SLC1A3: variants seen among roughly 807,000 people sequenced by gnomAD.
The protein encoded by SLC1A3 is excitatory amino acid transporter 1.
SLC1A3 carries 21 observed loss-of-function variants against 48.1 expected under a neutral mutation model. The observed-to-expected ratio is 0.44, with a 90% CI of 0.31 to 0.63. SLC1A3 has a LOEUF of 0.63. Ranked by LOEUF, SLC1A3 falls within the 20% of genes least tolerant of loss-of-function variation. The pLI is 0.08. For missense variants in SLC1A3, 546 were observed against 689.0 expected (o/e 0.79, Z 2.32); for synonymous variants, 239 against 251.4 (o/e 0.95, Z 0.47).
intron 3 of SLC1A3, chr5:36,666,279 A>G (rs1202368508): frequency 6.6e-6 from 1 of 152,154 alleles, no homozygotes; most frequent in Non-Finnish European, 1.5e-5. Context: ...ACATATTAGC[A>G]CTCATCCTTG....
chr5:36,686,127 A>G lies in SLC1A3; in HGVS notation c.1487A>G (p.His496Arg). 1.9e-6 allele frequency: 3 copies of G among 1,614,184 alleles called. No homozygotes were observed. Among genetic ancestry groups the G allele is most frequent in the Non-Finnish European group, 2.5e-6 (3 of 1,180,028 alleles). Residue 496 changes from histidine (H) to arginine (R), a missense_variant, in exon 10 of 10, where the codon CAC (histidine) becomes CGC (arginine). Physicochemically the swap from His to Arg is conservative, Grantham distance 29. This residue lies in a region of SLC1A3 where 56 missense variants were observed against 59.0 expected (regional missense o/e 0.95). Coordinates refer to ENST00000265113, the MANE Select transcript of SLC1A3 (RefSeq NM_004172.5). ...GDSLGAGIVE[H>R]LSRHELKNRD... ...TCCCTGGGAGCTGGGATTGTGGAGCACTTGTCACGACATGAACTGAAGAAC... is the reference window on the plus strand; with the variant it reads ...TCCCTGGGAGCTGGGATTGTGGAGCGCTTGTCACGACATGAACTGAAGAAC...
intron 3 of SLC1A3, among the ~76,000 whole-genome samples, chr5:36,654,862 G>A (rs1741226413): frequency 1.3e-5 from 2 of 152,188 alleles, no homozygotes; most frequent in Non-Finnish European, 2.9e-5. Context: ...AGAGTGAGGA[G>A]ATGTTTGCAT....
At chr5:36,649,705 G>A (rs1740983304) in intron 3 of SLC1A3, among the ~76,000 whole-genome samples, 1 of 152,026 alleles carries the variant, frequency 6.6e-6, no homozygotes, top group East Asian at 1.9e-4. Flanking sequence ...AAATTTTTCC[G>A]GTCTCAATAT....
At chr5:36,663,530 C>A (rs907994598) in intron 3 of SLC1A3, among the ~76,000 whole-genome samples, 1 of 151,906 alleles carries the variant, frequency 6.6e-6, no homozygotes. Context: ...CGTGAGCCAC[C>A]GCGCCCGGCC....
chr5:36,604,818 G>C (rs1196193742), upstream of SLC1A3, among the ~76,000 whole-genome samples: 1 of 150,646 alleles, frequency 6.6e-6, no homozygotes, highest in Non-Finnish European at 1.5e-5. Flanking sequence ...AATGCCACTG[G>C]GCTTGAAACC....
intron 3 of SLC1A3, among the ~76,000 whole-genome samples, chr5:36,645,864 C>A (rs755504838): frequency 6.6e-6 from 1 of 152,166 alleles, no homozygotes; most frequent in Non-Finnish European, 1.5e-5. Flanking sequence ...GTCTTGAATT[C>A]CCAGCAGAGG....
chr5:36,612,877 C>T (rs923612546), intron 2 of SLC1A3: 4 of 455,186 alleles, frequency 8.8e-6, no homozygotes, highest in South Asian at 6.2e-5. Flanking sequence ...TCTGGCTTTA[C>T]TCCAGCAATT....
In SLC1A3 at chr5:36,637,149, A is replaced by C. The variant is rs984984375; in HGVS notation, c.319+7562A>C. Among the ~76,000 whole-genome samples the C allele has an allele frequency of 2.0e-5, 3 of 152,242 alleles. 1 individual carries two copies. Among genetic ancestry groups the C allele is most frequent in the African/African-American group, 7.2e-5 (3 of 41,546 alleles). ...TCTCCACCATCCACTGTGCTCCCAGAGCTGATCCTGGTGCTCCAGATGTCA... is the reference window on the plus strand; with the variant it reads ...TCTCCACCATCCACTGTGCTCCCAGCGCTGATCCTGGTGCTCCAGATGTCA... On this transcript the variant is annotated intron_variant, in intron 3 of 9. Transcript: ENST00000265113.
intron 9 of SLC1A3, 76 bp downstream of exon 9, chr5:36,684,074 G>A: frequency 1.9e-6 from 3 of 1,574,106 alleles, no homozygotes; most frequent in Non-Finnish European, 8.7e-7. Flanking sequence ...CAGGCAGCCT[G>A]GCACATCTAC....
In SLC1A3 at chr5:36,614,156, C is replaced by A. The variant is rs72732529; in HGVS notation, c.181+5552C>A. Among the ~76,000 whole-genome samples, 373 of 152,256 alleles carry A rather than the reference C, an allele frequency of 2.4e-3. 2 individuals are homozygous for A. The highest frequency in any genetic ancestry group is 4.4e-3 in the Non-Finnish European group (301 of 68,008). On this transcript the variant is annotated intron_variant, in intron 2 of 9. Coordinates refer to ENST00000265113, the MANE Select transcript of SLC1A3 (RefSeq NM_004172.5). ...AAAACTGTCTGCCAAGATTTATATCCCAGTTCTGCTATGCACAAGCCATAT... is the reference window on the plus strand; with the variant it reads ...AAAACTGTCTGCCAAGATTTATATCACAGTTCTGCTATGCACAAGCCATAT...
At chr5:36,613,192 A>C in intron 2 of SLC1A3, 1 of 228,948 alleles carries the variant, frequency 4.4e-6, no homozygotes, top group Non-Finnish European at 8.8e-6. Context: ...AAGATTTAGA[A>C]GGTATTCCTA....
chr5:36,677,801 A>G (rs1742274478), intron 6 of SLC1A3, among the ~76,000 whole-genome samples: 1 of 152,250 alleles, frequency 6.6e-6, no homozygotes, highest in Admixed American at 6.5e-5. Flanking sequence ...TTTCCAGTAA[A>G]GGGAAAAGCA....
chr5:36,632,514 T>C (rs1740174480), intron 3 of SLC1A3, among the ~76,000 whole-genome samples: 1 of 152,226 alleles, frequency 6.6e-6, no homozygotes, highest in South Asian at 2.1e-4. Context: ...CTTCTGGGTA[T>C]AACTGCATTG....
intron 2 of SLC1A3, among the ~76,000 whole-genome samples, chr5:36,625,462 A>T (rs1739866078): frequency 6.6e-6 from 1 of 152,208 alleles, no homozygotes; most frequent in South Asian, 2.1e-4. Context: ...ATCTCAAAAA[A>T]ATAAAAAGAA....
chr5:36,668,300 C>G (rs548080567), intron 3 of SLC1A3: 1 of 152,466 alleles, frequency 6.6e-6, no homozygotes, highest in South Asian at 2.1e-4. Flanking sequence ...TGATGCCCTG[C>G]TCATTTGGGG....
intron 2 of SLC1A3, among the ~76,000 whole-genome samples, chr5:36,618,388 G>A (rs1053187284): frequency 6.6e-6 from 1 of 152,128 alleles, no homozygotes; most frequent in African/African-American, 2.4e-5. Context: ...TGTGTCAAAG[G>A]CGCTTAGAAA....
intron 3 of SLC1A3, chr5:36,668,493 G>A (rs1183508171): frequency 1.3e-5 from 2 of 152,214 alleles, no homozygotes; most frequent in African/African-American, 2.4e-5. Flanking sequence ...AAGTAACTCT[G>A]TGTGGGACTT....
In SLC1A3 at chr5:36,676,870, CGTTGTGCTTTTTATTTTTAA is replaced by C; in HGVS notation, c.568-18_569del. ...AAAAATAAAAATCACCTTTAATCCT[CGTTGTGCTTTTTATTTTTAA>C]GTTTAAAACCAACTATGAGAAGAGA... On this transcript the variant is annotated splice_acceptor_variant and splice_polypyrimidine_tract_variant and intron_variant, in intron 5 of 9. Transcript: ENST00000265113. LOFTEE classifies it high-confidence loss of function. 6.3e-7 allele frequency: 1 copy of C among 1,587,652 alleles called. No individual in the cohort carries two copies. Among genetic ancestry groups the C allele is most frequent in the African/African-American group, 1.3e-5 (1 of 74,320 alleles).
chr5:36,636,194 G>A (rs745593142), intron 3 of SLC1A3: 1 of 152,130 alleles, frequency 6.6e-6, no homozygotes, highest in Non-Finnish European at 1.5e-5. Flanking sequence ...TTATATGCCA[G>A]GTGCTTCTCT....
Sources: gnomAD v4.1 joint callset for allele counts (sites outside exome capture counted in the v4.1 genomes callset) on GRCh38, gnomAD v4.1.1 for gene constraint, gnomAD v4.1.1 regional missense constraint, MANE v1.5 for transcripts, NCBI Gene and HGNC (gene_info 2026-07-23, HGNC 2026-07-21) for gene names.